The following KSR1 variants were observed in gnomAD, a reference collection of about 807,000 sequenced individuals.
The protein encoded by KSR1 is kinase suppressor of ras.
KSR1 carries 35 observed loss-of-function variants against 92.9 expected under a neutral mutation model. The ratio of observed to expected loss-of-function variants is 0.38; its 90% confidence interval spans 0.29 to 0.50. The LOEUF (loss-of-function observed/expected upper bound fraction) is 0.50. Among genes scored for constraint, KSR1 ranks in the 20% least tolerant of loss-of-function variants. The pLI, the probability that KSR1 is intolerant of heterozygous loss-of-function variation, is 0.94. For missense variants in KSR1, 972 were observed against 1,158.5 expected, an observed-to-expected ratio of 0.84 and a Z score of 2.34; for synonymous variants, 467 against 472.6, an observed-to-expected ratio of 0.99 and a Z score of 0.15.
intron 18 of KSR1, among the ~76,000 whole-genome samples, chr17:27,614,027 C>T (rs573660126): frequency 6.6e-6 from 1 of 152,352 alleles, no homozygotes; most frequent in Non-Finnish European, 1.5e-5. Context: ...GTCTCAAACT[C>T]CTGGCCTCAA....
intron 3 of KSR1, among the ~76,000 whole-genome samples, chr17:27,580,774 C>A (rs986899059): frequency 1.3e-5 from 2 of 152,166 alleles, no homozygotes. Flanking sequence ...AAAGAAATAC[C>A]TGAAACTGGA....
intron 2 of KSR1, chr17:27,557,970 C>T (rs1049303178): frequency 8.5e-5 from 13 of 152,612 alleles, no homozygotes; most frequent in African/African-American, 2.9e-4. Flanking sequence ...TATTCTGTGC[C>T]CCCGAGTCAG....
intron 1 of KSR1, among the ~76,000 whole-genome samples, chr17:27,494,590 AGGGACCGATATTAGGGATTCCGG>A (rs1392272548): frequency 3.3e-5 from 5 of 152,198 alleles, no homozygotes; most frequent in Non-Finnish European, 7.3e-5. Context: ...AGACTAATAG[AGGGACCGATATTAGGGATTCCGG>A]GGACAAGTAC....
At chr17:27,567,523 T>A (rs1477505754) in intron 2 of KSR1, among the ~76,000 whole-genome samples, 1 of 152,186 alleles carries the variant, frequency 6.6e-6, no homozygotes, top group East Asian at 1.9e-4. Flanking sequence ...GCCTAGGACC[T>A]GGCTAGGCTT....
At chr17:27,467,411 A>G (rs907098076) in intron 1 of KSR1, among the ~76,000 whole-genome samples, 1 of 152,224 alleles carries the variant, frequency 6.6e-6, no homozygotes, top group African/African-American at 2.4e-5. Flanking sequence ...TTAACTCACA[A>G]CATATAGATG....
chr17:27,521,334 C>CTTT (rs759201177), intron 1 of KSR1, among the ~76,000 whole-genome samples: 2 of 134,946 alleles, frequency 1.5e-5, no homozygotes, highest in African/African-American at 5.5e-5. Context: ...AAGGCCATTC[C>CTTT]TTTTTTTTTT....
At chr17:27,572,474 G>A (rs1003081332) in intron 2 of KSR1, among the ~76,000 whole-genome samples, 3 of 152,202 alleles carry the variant, frequency 2.0e-5, no homozygotes, top group Non-Finnish European at 4.4e-5. Context: ...GAGGCAGTAC[G>A]GACTCCCAGC....
At chr17:27,623,146 G>C (rs1336047955) in intron 20 of KSR1, 168 bp from the exon 21 acceptor site, 24 of 646,026 alleles carry the variant, frequency 3.7e-5, no homozygotes, top group Non-Finnish European at 1.4e-5. Context: ...CTGAGGCCTT[G>C]GACGCAGTAT....
intron 1 of KSR1, among the ~76,000 whole-genome samples, chr17:27,536,914 A>G (rs996197522): frequency 2.6e-5 from 4 of 152,238 alleles, no homozygotes; most frequent in Non-Finnish European, 5.9e-5. Flanking sequence ...ATAGACCTCT[A>G]GATTGGAGGA....
At chr17:27,550,007 A>G (rs2071333594) in intron 1 of KSR1, among the ~76,000 whole-genome samples, 1 of 152,148 alleles carries the variant, frequency 6.6e-6, no homozygotes, top group Admixed American at 6.5e-5. Context: ...CCATATTAGC[A>G]ATTACCAACT....
At position 27,577,725 on chromosome 17, in the gene KSR1, C is replaced by A. The variant is rs2151155803; in HGVS notation, c.520+86C>A. 1.7e-6 allele frequency: 2 copies of A among 1,164,488 alleles called. No homozygotes were observed. The highest frequency in any genetic ancestry group is 2.5e-6 in the Non-Finnish European group (2 of 807,592). 72.1% of individuals were successfully genotyped at this position (1,164,488 alleles called of 1,614,324 possible). A position where few individuals can be genotyped will look rare whatever the true frequency, so the allele number is the denominator to read the frequency against. ...CACTATGGTGGGTGATGGAGCGGGGCAAGCGTGGCCCAGGGTTTCTGGGGC... is the reference window on the plus strand; with the variant it reads ...CACTATGGTGGGTGATGGAGCGGGGAAAGCGTGGCCCAGGGTTTCTGGGGC... On this transcript the variant is annotated intron_variant, in intron 3 of 20. Transcript: ENST00000644974. The surrounding 1 kb of genome is among the most constrained non-coding windows in gnomAD (Gnocchi z 4.5).
chr17:27,587,599 A>C (rs1021003078), intron 5 of KSR1: 2 of 152,244 alleles, frequency 1.3e-5, no homozygotes, highest in African/African-American at 2.4e-5. Context: ...CTACTGAACC[A>C]GTCCAGAGGG....
intron 1 of KSR1, among the ~76,000 whole-genome samples, chr17:27,468,895 GC>G (rs1350518444): frequency 6.6e-6 from 1 of 152,114 alleles, no homozygotes; most frequent in Non-Finnish European, 1.5e-5. Flanking sequence ...ACGAAGCAGG[GC>G]CCCCAGACCC....
At chr17:27,584,907 C>T (rs920856142) in intron 4 of KSR1, among the ~76,000 whole-genome samples, 1 of 152,136 alleles carries the variant, frequency 6.6e-6, no homozygotes, top group South Asian at 2.1e-4. Flanking sequence ...TCTCTGCCCT[C>T]CTGTCCAGCC....
At position 27,604,803 on chromosome 17, in the gene KSR1, G is replaced by A. The variant is rs981393189; in HGVS notation, c.1614+75G>A. ...TTCCCCATCTCAGAATGCGCAGGGG[G>A]CTTGAGGGTGAGTGGGTTCTGGACT... On this transcript the variant is annotated intron_variant, in intron 13 of 20. Transcript: ENST00000644974. 11 of 1,469,106 alleles carry A rather than the reference G, an allele frequency of 7.5e-6. No homozygotes were observed. In the East Asian group the frequency reaches 2.0e-4, roughly 27 times the overall value. 91.0% of individuals were successfully genotyped at this position (1,469,106 alleles called of 1,614,324 possible). A position where few individuals can be genotyped will look rare whatever the true frequency, so the allele number is the denominator to read the frequency against.
chr17:27,596,025 C>T (rs763233183), intron 9 of KSR1, among the ~76,000 whole-genome samples: 10 of 152,156 alleles, frequency 6.6e-5, no homozygotes. Context: ...AGCTGAAAAC[C>T]ATCTTTATGG....
intron 2 of KSR1, among the ~76,000 whole-genome samples, chr17:27,571,707 GA>G (rs774988823): frequency 9.8e-4 from 149 of 152,342 alleles, no homozygotes; most frequent in Non-Finnish European, 1.6e-3. Flanking sequence ...ATGCAAAACT[GA>G]ACAGAAACAC....
chr17:27,609,970 G>C, intron 16 of KSR1, 97 bp from the exon 17 acceptor site: 1 of 1,491,882 alleles, frequency 6.7e-7, no homozygotes, highest in Non-Finnish European at 9.1e-7. Flanking sequence ...AGCTGTGTGT[G>C]GGTGTTCTGC....
Position 27,617,389 on chromosome 17 carries a change from G to A in KSR1, c.2588G>A (p.Arg863Gln), listed in dbSNP as rs1055954960. 4 of 1,612,804 alleles carry A rather than the reference G, an allele frequency of 2.5e-6. No homozygotes were observed. The highest frequency in any genetic ancestry group is 3.4e-6 in the Non-Finnish European group (4 of 1,179,220). Residue 863 changes from arginine (R) to glutamine (Q), a missense_variant, in exon 19 of 21, where the codon CGG (arginine) becomes CAG (glutamine). This residue lies in a region of KSR1 where 46 missense variants were observed against 39.0 expected (regional missense o/e 1.18). Transcript: ENST00000644974. ...DMLEKLPKLNRRLSHPGHFWK... is the reference protein window; with the variant it reads ...DMLEKLPKLNQRLSHPGHFWK... ...CTGGAGAAACTTCCCAAGCTGAACC[G>A]GCGGCTCTCCCACCCTGGACACTTC... is the stretch of plus-strand genomic sequence containing the variant.
Sources: gnomAD v4.1 joint callset for allele counts (sites outside exome capture counted in the v4.1 genomes callset) on GRCh38, gnomAD v4.1.1 for gene constraint, gnomAD v4.1.1 regional missense constraint, Gnocchi (gnomAD v3.1) non-coding constraint, MANE v1.5 for transcripts, NCBI Gene and HGNC (gene_info 2026-07-23, HGNC 2026-07-21) for gene names.